Variants in RALGAPA1 observed in about 807,000 individuals in gnomAD.
The protein encoded by RALGAPA1 is ral GTPase-activating protein subunit alpha-1.
RALGAPA1 carries 52 observed loss-of-function variants against 269.6 expected under a neutral mutation model. The observed-to-expected ratio is 0.19, with a 90% CI of 0.15 to 0.24. The LOEUF is 0.24. Ranked by LOEUF, RALGAPA1 falls within the 10% of genes least tolerant of loss-of-function variation. The pLI is 1.00. For missense variants in RALGAPA1, 1,917 were observed against 3,013.9 expected (o/e 0.64, Z 8.52); for synonymous variants, 817 against 1,008.3 (o/e 0.81, Z 3.60).
At chr14:35,609,005 T>C (rs2059756352) in intron 35 of RALGAPA1, among the ~76,000 whole-genome samples, 1 of 152,150 alleles carries the variant, frequency 6.6e-6, no homozygotes, top group Non-Finnish European at 1.5e-5. Context: ...GGCGGGTGGA[T>C]CACGAGGTCA....
At chr14:35,774,274 T>G (rs1231420916) in intron 3 of RALGAPA1, among the ~76,000 whole-genome samples, 1 of 152,198 alleles carries the variant, frequency 6.6e-6, no homozygotes, top group African/African-American at 2.4e-5. Flanking sequence ...AGAAACTGAT[T>G]TCCAAATTAT....
chr14:35,692,492 TG>T (rs1020895145), intron 17 of RALGAPA1, among the ~76,000 whole-genome samples: 14 of 151,458 alleles, frequency 9.2e-5, no homozygotes, highest in African/African-American at 3.1e-4. Context: ...TTTCAGCCTA[TG>T]TTTTTTTTTT....
intron 39 of RALGAPA1, among the ~76,000 whole-genome samples, chr14:35,566,036 T>C (rs765833966): frequency 2.8e-4 from 42 of 152,106 alleles, no homozygotes; most frequent in Non-Finnish European, 5.7e-4. Context: ...GTCCAATGGT[T>C]ACACAGAATC....
intron 1 of RALGAPA1, among the ~76,000 whole-genome samples, chr14:35,792,404 G>A (rs760906549): frequency 6.7e-6 from 1 of 148,204 alleles, no homozygotes; most frequent in African/African-American, 2.5e-5. Context: ...CGATCCACCC[G>A]CCTCAGCCTC....
chr14:35,632,038 T>G (rs2061389831), intron 33 of RALGAPA1, among the ~76,000 whole-genome samples: 1 of 152,124 alleles, frequency 6.6e-6, no homozygotes. Context: ...TGAAAACACG[T>G]AAAGAATAAA....
chr14:35,723,555 TA>T, intron 14 of RALGAPA1: 1 of 188,874 alleles, frequency 5.3e-6, no homozygotes, highest in Non-Finnish European at 1.1e-5. Flanking sequence ...AAATGCTATT[TA>T]AAAAATAGTC....
At chr14:35,771,743 T>C (rs1595502773) in intron 3 of RALGAPA1, among the ~76,000 whole-genome samples, 1 of 152,044 alleles carries the variant, frequency 6.6e-6, no homozygotes, top group Non-Finnish European at 1.5e-5. Flanking sequence ...ATGATCATAG[T>C]GCATCACAGC....
At chr14:35,653,460 A>G (rs1027207112) in intron 30 of RALGAPA1, among the ~76,000 whole-genome samples, 2 of 152,186 alleles carry the variant, frequency 1.3e-5, no homozygotes, top group Non-Finnish European at 2.9e-5. Context: ...AAAGCATTTC[A>G]GCTAGGAGGA....
At chr14:35,627,064 A>G in intron 34 of RALGAPA1, 26 bp downstream of exon 34, 1 of 1,439,090 alleles carries the variant, frequency 6.9e-7, no homozygotes. Context: ...AAAAAAAAAA[A>G]GAAAAAATTT....
intron 17 of RALGAPA1, among the ~76,000 whole-genome samples, chr14:35,696,001 T>C (rs1326911325): frequency 2.0e-5 from 3 of 152,234 alleles, no homozygotes; most frequent in Non-Finnish European, 4.4e-5. Context: ...TCAAATTTGA[T>C]ACATATTTTT....
intron 40 of RALGAPA1, 106 bp from the exon 41 acceptor site, chr14:35,548,644 TA>T: frequency 1.4e-6 from 1 of 710,544 alleles, no homozygotes; most frequent in Non-Finnish European, 2.3e-6. Context: ...AAATTAATCA[TA>T]AAATGCAGTA....
chr14:35,554,021 T>C (rs761332269), intron 39 of RALGAPA1, among the ~76,000 whole-genome samples: 48 of 152,126 alleles, frequency 3.2e-4, no homozygotes, highest in Middle Eastern at 3.2e-3. Flanking sequence ...ATTCCAAAAA[T>C]AGTAAGCACA....
At chr14:35,573,464 G>A (rs1278036753) in intron 37 of RALGAPA1, among the ~76,000 whole-genome samples, 1 of 152,032 alleles carries the variant, frequency 6.6e-6, no homozygotes, top group Non-Finnish European at 1.5e-5. Context: ...ATCTTACATG[G>A]GATTTCCATT....
At chr14:35,551,950 C>T (rs1049828426) in intron 39 of RALGAPA1, among the ~76,000 whole-genome samples, 4 of 152,068 alleles carry the variant, frequency 2.6e-5, no homozygotes, top group East Asian at 1.9e-4. Context: ...CAATCATTAA[C>T]GGTTGAATTT....
At chr14:35,618,003 A>G (rs2060371894) in intron 35 of RALGAPA1, among the ~76,000 whole-genome samples, 3 of 152,144 alleles carry the variant, frequency 2.0e-5, no homozygotes, top group Non-Finnish European at 4.4e-5. Flanking sequence ...AATAGAAAAC[A>G]AAACAAAACA....
At chr14:35,695,499 T>C (rs1308438718) in intron 17 of RALGAPA1, among the ~76,000 whole-genome samples, 2 of 152,196 alleles carry the variant, frequency 1.3e-5, no homozygotes, top group South Asian at 2.1e-4. Context: ...TAATAACATA[T>C]CGTTAATAAA....
intron 21 of RALGAPA1, among the ~76,000 whole-genome samples, chr14:35,681,101 GA>G (rs1238300174): frequency 6.6e-6 from 1 of 151,862 alleles, no homozygotes; most frequent in Non-Finnish European, 1.5e-5. Flanking sequence ...TATGTTATAG[GA>G]AAATAGATGA....
At chr14:35,772,549 C>T (rs1174877421) in intron 3 of RALGAPA1, among the ~76,000 whole-genome samples, 1 of 152,210 alleles carries the variant, frequency 6.6e-6, no homozygotes, top group African/African-American at 2.4e-5. Flanking sequence ...TACTCATCCA[C>T]TTGCTGAATG....
chr14:35,540,623 A>G (rs1047146293), intron 41 of RALGAPA1, among the ~76,000 whole-genome samples: 2 of 152,244 alleles, frequency 1.3e-5, no homozygotes, highest in Admixed American at 1.3e-4. Flanking sequence ...TGAGTAATTA[A>G]TTAAAATCAC....
Sources: allele counts gnomAD v4.1 joint callset (sites outside exome capture counted in the v4.1 genomes callset), GRCh38; gene constraint gnomAD v4.1.1; transcripts MANE v1.5; gene names NCBI Gene and HGNC (gene_info 2026-07-23, HGNC 2026-07-21).